The following HIPK2 variants were observed in gnomAD, a reference collection of about 807,000 sequenced individuals.
HIPK2 encodes homeodomain-interacting protein kinase 2.
In HIPK2, 27 loss-of-function variants were observed where a neutral mutation model predicts 113.7. That is an observed-to-expected ratio of 0.24 (90% CI 0.17 to 0.33). The LOEUF (loss-of-function observed/expected upper bound fraction) is 0.33. Among genes scored for constraint, HIPK2 ranks in the 10% least tolerant of loss-of-function variants. The probability of loss-of-function intolerance (pLI) is 1.00; values close to 1 mark genes in which losing one functional copy is unlikely to be tolerated. For missense variants in HIPK2, 1,257 were observed against 1,588.0 expected, an observed-to-expected ratio of 0.79 and a Z score of 3.54; for synonymous variants, 631 against 642.2, an observed-to-expected ratio of 0.98 and a Z score of 0.26.
chr7:139,594,626 A>G (rs1042133079), intron 12 of HIPK2, among the ~76,000 whole-genome samples: 1 of 152,136 alleles, frequency 6.6e-6, no homozygotes, highest in African/African-American at 2.4e-5. Flanking sequence ...TTGCCATTAG[A>G]TCTCTCTAGA....
intron 12 of HIPK2, 76 bp from the exon 13 acceptor site, chr7:139,584,140 G>A (rs1171424941): frequency 2.6e-6 from 4 of 1,520,554 alleles, no homozygotes; most frequent in Admixed American, 2.1e-5. Context: ...TTCATGCCCT[G>A]GGGCAGGGGA....
chr7:139,596,585 T>C lies in HIPK2; in HGVS notation c.2717+132A>G, dbSNP rs1027407822. ...CCTTGAAATAACTTTAGGACCACAG[T>C]AGATGGCAAAACCAAACTGTAAGGG... On this transcript the variant is annotated intron_variant, in intron 12 of 14. Transcript: ENST00000406875. 9 of 1,230,024 alleles carry C rather than the reference T, an allele frequency of 7.3e-6. No homozygotes were observed. In the African/African-American group the frequency reaches 1.0e-4, roughly 14 times the overall value. The allele number at this position is 1,230,024 out of a possible 1,614,324, so 76.2% of individuals were successfully genotyped here. A position where few individuals can be genotyped will look rare whatever the true frequency, so the allele number is the denominator to read the frequency against.
At chr7:139,651,841 C>A (rs977383668) in intron 2 of HIPK2, among the ~76,000 whole-genome samples, 1 of 152,086 alleles carries the variant, frequency 6.6e-6, no homozygotes, top group Non-Finnish European at 1.5e-5. Context: ...AGGAGAGATC[C>A]GATGTTATGT....
intron 2 of HIPK2, among the ~76,000 whole-genome samples, chr7:139,651,786 G>A (rs182851301): frequency 8.1e-4 from 123 of 152,326 alleles, no homozygotes; most frequent in Admixed American, 2.7e-3. Context: ...TACAAGGAAT[G>A]TAAAATGATT....
chr7:139,750,603 T>C (rs904834418), intron 1 of HIPK2, among the ~76,000 whole-genome samples: 2 of 152,304 alleles, frequency 1.3e-5, no homozygotes, highest in South Asian at 2.1e-4. Context: ...ATCAAACCAG[T>C]AGAAGGATAA....
Position 139,631,579 on chromosome 7 carries a change from A to G in HIPK2, c.1227+23T>C. 2 of 1,607,452 alleles carry G rather than the reference A, an allele frequency of 1.2e-6. No individual in the cohort carries two copies. Among genetic ancestry groups the G allele is most frequent in the East Asian group, 2.2e-5 (1 of 44,798 alleles). On this transcript the variant is annotated intron_variant, in intron 3 of 14. Transcript: ENST00000406875. The surrounding 1 kb of genome is among the most constrained non-coding windows in gnomAD (Gnocchi z 4.9). ...CCAGATGAAGAATGAGGTCTTGTGA[A>G]TATCTGTGTCATCTGGACCCACCTG...
At chr7:139,728,690 A>C (rs1461703199) in intron 1 of HIPK2, among the ~76,000 whole-genome samples, 2 of 152,226 alleles carry the variant, frequency 1.3e-5, no homozygotes, top group Non-Finnish European at 2.9e-5. Flanking sequence ...GCAGGGGGGA[A>C]ACACAATTCA....
intron 2 of HIPK2, among the ~76,000 whole-genome samples, chr7:139,693,224 A>C (rs565133465): frequency 1.6e-4 from 24 of 152,394 alleles, no homozygotes; most frequent in African/African-American, 5.8e-4. Flanking sequence ...TGAAGAACAG[A>C]GAAAATGCAT....
At chr7:139,755,444 AC>A (rs1285511199) in intron 1 of HIPK2, among the ~76,000 whole-genome samples, 1 of 152,240 alleles carries the variant, frequency 6.6e-6, no homozygotes, top group African/African-American at 2.4e-5. Context: ...AAGCATCTTA[AC>A]CAATAATCTA....
At chr7:139,726,923 A>G (rs1326499793) in intron 1 of HIPK2, among the ~76,000 whole-genome samples, 3 of 152,252 alleles carry the variant, frequency 2.0e-5, no homozygotes, top group Non-Finnish European at 4.4e-5. Context: ...GCTGACGGTA[A>G]GAGCACAGGC....
At chr7:139,628,902 C>A in intron 5 of HIPK2, 51 bp downstream of exon 5, 1 of 1,470,876 alleles carries the variant, frequency 6.8e-7, no homozygotes, top group Non-Finnish European at 9.3e-7. Flanking sequence ...AGAAGTCTTG[C>A]TGCCCTTGGT....
intron 2 of HIPK2, among the ~76,000 whole-genome samples, chr7:139,689,718 T>G (rs535392873): frequency 9.7e-4 from 147 of 152,310 alleles, no homozygotes; most frequent in Middle Eastern, 6.8e-3. Context: ...TGGCCCTACA[T>G]GTAATCGTGT....
At chr7:139,753,038 GC>G (rs1427113637) in intron 1 of HIPK2, among the ~76,000 whole-genome samples, 1 of 152,220 alleles carries the variant, frequency 6.6e-6, no homozygotes, top group Non-Finnish European at 1.5e-5. Flanking sequence ...GCACAGGTAT[GC>G]CTCTGTCCCA....
At chr7:139,657,201 T>C (rs944911413) in intron 2 of HIPK2, among the ~76,000 whole-genome samples, 3 of 152,052 alleles carry the variant, frequency 2.0e-5, no homozygotes, top group African/African-American at 4.8e-5. Flanking sequence ...CTATTAGCAG[T>C]CCCCCGACAG....
intron 1 of HIPK2, among the ~76,000 whole-genome samples, chr7:139,750,841 C>T (rs949302560): frequency 1.1e-4 from 16 of 152,182 alleles, no homozygotes; most frequent in African/African-American, 2.4e-5. Flanking sequence ...CTAAAAAAAT[C>T]TTTGCTCCTC....
chr7:139,647,062 A>G (rs187257502), intron 2 of HIPK2, among the ~76,000 whole-genome samples: 9 of 151,030 alleles, frequency 6.0e-5, no homozygotes, highest in Non-Finnish European at 1.3e-4. Flanking sequence ...CTATTCCTAC[A>G]ACGCTAACTA....
At chr7:139,677,256 T>C (rs963862625) in intron 2 of HIPK2, among the ~76,000 whole-genome samples, 2 of 49,682 alleles carry the variant, frequency 4.0e-5, no homozygotes, top group African/African-American at 1.5e-4. Flanking sequence ...TATATATATA[T>C]GGAGACACAC....
chr7:139,682,774 CAG>C (rs1326686386), intron 2 of HIPK2, among the ~76,000 whole-genome samples: 3 of 152,250 alleles, frequency 2.0e-5, no homozygotes, highest in Non-Finnish European at 2.9e-5. Context: ...TTTCTTCTAA[CAG>C]AGGGGACAGA....
chr7:139,685,831 T>C (rs1008514611), intron 2 of HIPK2, among the ~76,000 whole-genome samples: 1 of 152,268 alleles, frequency 6.6e-6, no homozygotes, highest in African/African-American at 2.4e-5. Context: ...TCATTGACAA[T>C]GTACCTAGTC....
Sources: gnomAD v4.1 joint callset for allele counts (sites outside exome capture counted in the v4.1 genomes callset) on GRCh38, gnomAD v4.1.1 for gene constraint, Gnocchi (gnomAD v3.1) non-coding constraint, MANE v1.5 for transcripts, NCBI Gene and HGNC (gene_info 2026-07-23, HGNC 2026-07-21) for gene names.